The following C12orf42 variants were observed in gnomAD, a reference collection of about 807,000 sequenced individuals.
C12orf42 encodes chromosome 12 open reading frame 42.
A neutral mutation model predicts 21.6 loss-of-function variants in C12orf42; 25 were observed. The ratio of observed to expected loss-of-function variants is 1.16; its 90% confidence interval spans 0.84 to 1.62. The LOEUF (loss-of-function observed/expected upper bound fraction) is 1.62, where lower values mean the gene tolerates loss of function less well. Ranked by LOEUF, C12orf42 falls within the 40% of genes most tolerant of loss-of-function variation. The pLI is 0.00. For synonymous variants in C12orf42, 174 were observed against 175.0 expected, an observed-to-expected ratio of 0.99 and a Z score of 0.05; for missense variants, 483 against 459.3, an observed-to-expected ratio of 1.05 and a Z score of -0.47.
At chr12:103,464,416 G>GTTTTTTTTTT in intron 2 of C12orf42, among the ~76,000 whole-genome samples, 1 of 147,790 alleles carries the variant, frequency 6.8e-6, no homozygotes, top group South Asian at 2.1e-4. Flanking sequence ...TTTTAATGGG[G>GTTTTTTTTTT]TTTTTTTTTT....
intron 2 of C12orf42, among the ~76,000 whole-genome samples, chr12:103,461,400 C>A (rs1490627188): frequency 6.6e-6 from 1 of 152,004 alleles, no homozygotes; most frequent in African/African-American, 2.4e-5. Context: ...AAATTAAAGT[C>A]AGGAAATGTT....
At chr12:103,281,523 A>AT (rs1405856301) in intron 4 of C12orf42, among the ~76,000 whole-genome samples, 1 of 151,804 alleles carries the variant, frequency 6.6e-6, no homozygotes, top group Non-Finnish European at 1.5e-5. Context: ...TGCCTGGCTA[A>AT]TTTTTTGTAT....
downstream of C12orf42, chr12:103,268,390 A>G (rs903687746): frequency 6.6e-6 from 1 of 152,116 alleles, no homozygotes; most frequent in South Asian, 2.1e-4. Flanking sequence ...TATGCAGAAC[A>G]CAAACAGGGG....
At chr12:103,166,945 G>A in the C12orf42 span, among the ~76,000 whole-genome samples, 1 of 151,844 alleles carries the variant, frequency 6.6e-6, no homozygotes, top group Non-Finnish European at 1.5e-5. Flanking sequence ...TATCTTTATC[G>A]ACTCTTCTAA....
chr12:103,170,385 G>T, the C12orf42 span, among the ~76,000 whole-genome samples: 2 of 152,016 alleles, frequency 1.3e-5, no homozygotes, highest in Non-Finnish European at 2.9e-5. Context: ...TTCATTCAGT[G>T]GCTCAAGGTC....
the C12orf42 span, among the ~76,000 whole-genome samples, chr12:103,533,294 T>C: frequency 6.6e-6 from 1 of 152,196 alleles, no homozygotes; most frequent in Admixed American, 6.5e-5. Flanking sequence ...ATTCTGGCAG[T>C]ATAAAGTTGA....
Position 103,366,113 on chromosome 12 carries a change from T to C in C12orf42, c.259+2774A>G, listed in dbSNP as rs545987597. On this transcript the variant is annotated intron_variant, in intron 4 of 5. Coordinates refer to ENST00000548883, the MANE Select transcript of C12orf42 (RefSeq NM_198521.5). ...ACAGCATGGTACTAATATAAAAATA[T>C]GCACATAGACCAATGGAACAGAATA... 6.6e-5 allele frequency among the ~76,000 whole-genome samples: 10 copies of C among 151,698 alleles called. No homozygotes were observed. The East Asian group carries it at 1.9e-3, about 29-fold the overall frequency.
chr12:103,219,415 C>T, the C12orf42 span, among the ~76,000 whole-genome samples: 1 of 152,116 alleles, frequency 6.6e-6, no homozygotes, highest in Non-Finnish European at 1.5e-5. Flanking sequence ...CAAATGGGAT[C>T]TAATTAAACT....
the C12orf42 span, among the ~76,000 whole-genome samples, chr12:103,087,450 G>A: frequency 2.6e-5 from 4 of 152,106 alleles, no homozygotes; most frequent in Non-Finnish European, 5.9e-5. Flanking sequence ...TTAAACCTGG[G>A]GGATGTCACT....
the C12orf42 span, among the ~76,000 whole-genome samples, chr12:103,106,950 C>A: frequency 4.6e-5 from 7 of 151,528 alleles, no homozygotes; most frequent in African/African-American, 9.7e-5. Context: ...AAAGTGTATA[C>A]CAGAAAAGAT....
the C12orf42 span, among the ~76,000 whole-genome samples, chr12:103,109,465 G>A: frequency 6.6e-6 from 1 of 152,002 alleles, no homozygotes; most frequent in African/African-American, 2.4e-5. Context: ...GAGAAACACT[G>A]ACAACATGTT....
chr12:103,436,089 C>T (rs1222285470), intron 2 of C12orf42, among the ~76,000 whole-genome samples: 1 of 152,198 alleles, frequency 6.6e-6, no homozygotes, highest in South Asian at 2.1e-4. Context: ...AGAGTGGTGG[C>T]AATTATTCAA....
chr12:103,055,036 TTG>T, the C12orf42 span, among the ~76,000 whole-genome samples: 1 of 151,890 alleles, frequency 6.6e-6, no homozygotes, highest in African/African-American at 2.4e-5. Flanking sequence ...TTTTCTTCTT[TTG>T]TACAGGCTTT....
the C12orf42 span, among the ~76,000 whole-genome samples, chr12:103,143,549 A>G: frequency 6.6e-6 from 1 of 151,968 alleles, no homozygotes; most frequent in Non-Finnish European, 1.5e-5. Flanking sequence ...TTGCTTCCCC[A>G]CCCCCATTGC....
intron 4 of C12orf42, among the ~76,000 whole-genome samples, chr12:103,351,941 A>C (rs2043133238): frequency 6.7e-6 from 1 of 148,478 alleles, no homozygotes; most frequent in Non-Finnish European, 1.5e-5. Flanking sequence ...CTTCCCCTCC[A>C]CCCTCTTCCT....
the C12orf42 span, among the ~76,000 whole-genome samples, chr12:103,191,742 C>CA: frequency 8.9e-5 from 1 of 11,214 alleles, no homozygotes; most frequent in African/African-American, 6.8e-4. Flanking sequence ...GACTCTGTGT[C>CA]TAAAAAAAAA....
the C12orf42 span, among the ~76,000 whole-genome samples, chr12:103,201,853 T>C: frequency 6.6e-6 from 1 of 152,136 alleles, no homozygotes; most frequent in Admixed American, 6.6e-5. Flanking sequence ...AATAAGAAAA[T>C]CACTCGTTTG....
the C12orf42 span, among the ~76,000 whole-genome samples, chr12:103,546,497 T>A: frequency 6.6e-6 from 1 of 152,202 alleles, no homozygotes. Flanking sequence ...AAATAAACAC[T>A]TAGCAGAAAG....
intron 2 of C12orf42, among the ~76,000 whole-genome samples, chr12:103,443,160 T>A (rs961016113): frequency 2.6e-5 from 4 of 152,158 alleles, no homozygotes; most frequent in African/African-American, 9.7e-5. Context: ...ACAGAGAATG[T>A]TAATTATTGC....
Sources: allele counts gnomAD v4.1 joint callset (sites outside exome capture counted in the v4.1 genomes callset), GRCh38; gene constraint gnomAD v4.1.1; transcripts MANE v1.5; gene names NCBI Gene and HGNC (gene_info 2026-07-23, HGNC 2026-07-21).